Variants in PPARGC1A observed in about 807,000 individuals in gnomAD.
The protein encoded by PPARGC1A is PPARG coactivator 1 alpha, also known as peroxisome proliferator-activated receptor gamma coactivator 1-alpha.
PPARGC1A carries 25 observed loss-of-function variants against 88.7 expected under a neutral mutation model. The ratio of observed to expected loss-of-function variants is 0.28; its 90% CI spans 0.21 to 0.39. PPARGC1A has a LOEUF of 0.39. PPARGC1A is among the 10% of genes least tolerant of loss of function. The pLI, the probability that PPARGC1A is intolerant of heterozygous loss-of-function variation, is 1.00. For synonymous variants in PPARGC1A, 363 were observed against 355.6 expected (o/e 1.02, Z -0.24); for missense variants, 880 against 968.7 (o/e 0.91, Z 1.22).
chr4:24,119,403 C>A, the PPARGC1A span, among the ~76,000 whole-genome samples: 3 of 152,074 alleles, frequency 2.0e-5, no homozygotes, highest in Non-Finnish European at 2.9e-5. Flanking sequence ...AATTGTTCTT[C>A]CAATTTCTCA....
At chr4:24,314,021 G>A in the PPARGC1A span, among the ~76,000 whole-genome samples, 1 of 151,960 alleles carries the variant, frequency 6.6e-6, no homozygotes, top group East Asian at 1.9e-4. Flanking sequence ...TGCAATTGAA[G>A]AAAAAATAAA....
chr4:24,469,954 C>T, the PPARGC1A span, among the ~76,000 whole-genome samples: 1 of 152,108 alleles, frequency 6.6e-6, no homozygotes, highest in East Asian at 1.9e-4. Flanking sequence ...TCTCAAATGA[C>T]TTGTTTCTAT....
At chr4:23,948,132 T>C in the PPARGC1A span, among the ~76,000 whole-genome samples, 11 of 152,302 alleles carry the variant, frequency 7.2e-5, no homozygotes, top group East Asian at 2.1e-3. Context: ...TGCTCTTCTT[T>C]TACTTTTAAA....
chr4:23,967,091 T>C, the PPARGC1A span, among the ~76,000 whole-genome samples: 1 of 152,144 alleles, frequency 6.6e-6, no homozygotes, highest in Non-Finnish European at 1.5e-5. Flanking sequence ...TAAAGGAAAT[T>C]CTAATGAATC....
the PPARGC1A span, among the ~76,000 whole-genome samples, chr4:24,401,071 T>C: frequency 8.2e-5 from 11 of 133,924 alleles, no homozygotes; most frequent in Non-Finnish European, 1.2e-4. Context: ...CAGGTTGGAG[T>C]GCAGTGGCGC....
the PPARGC1A span, among the ~76,000 whole-genome samples, chr4:23,917,006 T>C: frequency 2.0e-5 from 3 of 152,186 alleles, no homozygotes; most frequent in South Asian, 4.1e-4. Flanking sequence ...CAAGAGCCTG[T>C]TTCTCAGTAC....
the PPARGC1A span, among the ~76,000 whole-genome samples, chr4:23,910,274 T>A: frequency 5.1e-4 from 47 of 92,362 alleles, no homozygotes; most frequent in Non-Finnish European, 7.4e-4. Context: ...TAATATATAT[T>A]AACCCTATAT....
the PPARGC1A span, among the ~76,000 whole-genome samples, chr4:24,100,371 C>T: frequency 6.6e-6 from 1 of 152,170 alleles, no homozygotes; most frequent in African/African-American, 2.4e-5. Context: ...AACTGCTTGT[C>T]ACTACCTCTG....
chr4:23,839,832 G>A (rs944585931), intron 2 of PPARGC1A, among the ~76,000 whole-genome samples: 2 of 151,756 alleles, frequency 1.3e-5, no homozygotes, highest in Non-Finnish European at 2.9e-5. Flanking sequence ...GGAAAGTCCC[G>A]TTTTTAAAAC....
the PPARGC1A span, among the ~76,000 whole-genome samples, chr4:24,086,191 A>G: frequency 1.3e-5 from 2 of 152,176 alleles, no homozygotes; most frequent in African/African-American, 4.8e-5. Context: ...ATCAGCCCAG[A>G]GACCTCAGTT....
At chr4:24,320,721 C>T in the PPARGC1A span, among the ~76,000 whole-genome samples, 1 of 152,094 alleles carries the variant, frequency 6.6e-6, no homozygotes, top group Non-Finnish European at 1.5e-5. Context: ...GGTGTGTGTG[C>T]AAAAGCTTTA....
chr4:24,042,841 G>T, the PPARGC1A span, among the ~76,000 whole-genome samples: 1 of 152,068 alleles, frequency 6.6e-6, no homozygotes, highest in Non-Finnish European at 1.5e-5. Context: ...TCTTAATTTT[G>T]AAGAATGCAT....
chr4:24,306,832 T>C, the PPARGC1A span, among the ~76,000 whole-genome samples: 1 of 152,170 alleles, frequency 6.6e-6, no homozygotes, highest in East Asian at 1.9e-4. Flanking sequence ...CAGCTAAATA[T>C]TGGCCACAAA....
At chr4:24,441,541 G>A in the PPARGC1A span, among the ~76,000 whole-genome samples, 1 of 152,180 alleles carries the variant, frequency 6.6e-6, no homozygotes, top group Non-Finnish European at 1.5e-5. Context: ...CCTGAGGCAT[G>A]TTACAGGACA....
At chr4:24,052,045 A>C in the PPARGC1A span, among the ~76,000 whole-genome samples, 1 of 151,804 alleles carries the variant, frequency 6.6e-6, no homozygotes, top group Non-Finnish European at 1.5e-5. Flanking sequence ...GGTAAGGGGC[A>C]TCAAAAAGAA....
At chr4:23,861,819 C>A (rs889051041) in intron 2 of PPARGC1A, among the ~76,000 whole-genome samples, 2 of 152,152 alleles carry the variant, frequency 1.3e-5, no homozygotes, top group Non-Finnish European at 2.9e-5. Flanking sequence ...TATTCCATTG[C>A]ATTTTAAAAA....
the PPARGC1A span, among the ~76,000 whole-genome samples, chr4:24,208,261 T>A: frequency 2.6e-5 from 4 of 151,242 alleles, no homozygotes; most frequent in African/African-American, 9.7e-5. Context: ...CCAGCCTGGG[T>A]GACAGAGACC....
the PPARGC1A span, among the ~76,000 whole-genome samples, chr4:24,122,436 T>TAG: frequency 0.041 from 5,089 of 124,090 alleles, 149 homozygotes; most frequent in African/African-American, 0.072. Context: ...TATATATATA[T>TAG]AGAGAGAGAG....
At chr4:23,851,300 A>G (rs1309508414) in intron 2 of PPARGC1A, among the ~76,000 whole-genome samples, 1 of 152,172 alleles carries the variant, frequency 6.6e-6, no homozygotes, top group African/African-American at 2.4e-5. Context: ...CACATACAAT[A>G]TTAGTAACAA....
Sources: gnomAD v4.1 joint callset for allele counts (sites outside exome capture counted in the v4.1 genomes callset) on GRCh38, gnomAD v4.1.1 for gene constraint, MANE v1.5 for transcripts, NCBI Gene and HGNC (gene_info 2026-07-23, HGNC 2026-07-21) for gene names.